The following PXMP4 variants were observed in gnomAD, a reference collection of about 807,000 sequenced individuals.
PXMP4 encodes the protein peroxisomal membrane protein 4, also known as 24 kDa peroxisomal intrinsic membrane protein.
In PXMP4, 16 loss-of-function variants were observed where a neutral mutation model predicts 21.6. The ratio of observed to expected loss-of-function variants is 0.74; its 90% confidence interval spans 0.50 to 1.13. PXMP4 has a LOEUF of 1.13. PXMP4 is among the 50% of genes most tolerant of loss of function. PXMP4 has a pLI of 0.00. For missense variants in PXMP4, 240 were observed against 277.7 expected (o/e 0.86, Z 0.96); for synonymous variants, 127 against 123.8 (o/e 1.03, Z -0.17).
chr20:33,711,531 G>A (rs2018325496), intron 2 of PXMP4, among the ~76,000 whole-genome samples: 1 of 152,276 alleles, frequency 6.6e-6, no homozygotes, highest in East Asian at 1.9e-4. Flanking sequence ...TTTATCCTGA[G>A]AAGTGAACAT....
rs1246078862 is a variant in PXMP4, at chr20:33,704,864, C to T, written c.*2842G>A. ...CTGCATACATTTCTACTAGTAACTT[C>T]TAAAATATAGAAAGAGTGATGGAGT... On this transcript the variant is annotated 3_prime_UTR_variant, in exon 4 of 4. Transcript: ENST00000409299. The T allele has an allele frequency of 6.6e-6, 1 of 151,900 alleles. No individual in the cohort carries two copies. Among genetic ancestry groups the T allele is most frequent in the Non-Finnish European group, 1.5e-5 (1 of 68,024 alleles). The allele number at this position is 151,900 out of a possible 1,614,324, so 9.4% of individuals were successfully genotyped here.
At chr20:33,713,910 A>G (rs1388612387) in intron 2 of PXMP4, among the ~76,000 whole-genome samples, 1 of 152,016 alleles carries the variant, frequency 6.6e-6, no homozygotes, top group East Asian at 1.9e-4. Context: ...GAAGGTGAAG[A>G]TGCTTCAGCG....
chr20:33,704,997 T>G lies in PXMP4; in HGVS notation c.*2709A>C, dbSNP rs1601199823. On this transcript the variant is annotated 3_prime_UTR_variant, in exon 4 of 4. Coordinates refer to ENST00000409299, the MANE Select transcript of PXMP4 (RefSeq NM_007238.5). ...TGATTTGTCCAGGATTGTGTTTTTT[T>G]TTTTTTTTTTTTTTTTGAGACAGAG... The G allele has an allele frequency of 6.9e-6, 1 of 145,464 alleles. No individual in the cohort carries two copies. The highest frequency in any genetic ancestry group is 2.2e-4 in the South Asian group (1 of 4,474). The allele number at this position is 145,464 out of a possible 1,614,324, so 9.0% of individuals were successfully genotyped here.
chr20:33,714,613 A>G lies in PXMP4; in HGVS notation c.176+61T>C, dbSNP rs375696488. 7.9e-6 allele frequency: 12 copies of G among 1,524,566 alleles called. No homozygotes were observed. The African/African-American group carries it at 1.5e-4, about 19-fold the overall frequency. 94.4% of individuals were successfully genotyped at this position (1,524,566 alleles called of 1,614,324 possible). On this transcript the variant is annotated intron_variant, in intron 2 of 3. Transcript: ENST00000409299. Reference sequence around the variant, plus strand: ...ACAGGGTAGACCCAGCTAAGAAGCTATTACGACTGTCCTGGCACTGAGGGC... The same window carrying G: ...ACAGGGTAGACCCAGCTAAGAAGCTGTTACGACTGTCCTGGCACTGAGGGC...
In PXMP4 at chr20:33,703,142, A is replaced by ACCC. The variant is rs2018221965; in HGVS notation, c.*4561_*4563dup. ...AGACAGTCGGTAGCGGAGTTGGCCA[A>ACCC]CCCCCAGCAGCAGTGGCGGGACTTC... On this transcript the variant is annotated 3_prime_UTR_variant, in exon 4 of 4. Coordinates refer to ENST00000409299, the MANE Select transcript of PXMP4 (RefSeq NM_007238.5). 6.6e-6 allele frequency: 1 copy of ACCC among 152,078 alleles called. No individual in the cohort carries two copies. The highest frequency in any genetic ancestry group is 2.4e-5 in the African/African-American group (1 of 41,382). The allele number at this position is 152,078 out of a possible 1,614,324, so 9.4% of individuals were successfully genotyped here.
chr20:33,710,888 T>A, intron 2 of PXMP4, 135 bp from the exon 3 acceptor site: 1 of 849,786 alleles, frequency 1.2e-6, no homozygotes, highest in Non-Finnish European at 1.8e-6. Context: ...CTACCCTTCA[T>A]GTTCTCTCCC....
chr20:33,714,027 C>G (rs997204084), intron 2 of PXMP4, among the ~76,000 whole-genome samples: 1 of 152,060 alleles, frequency 6.6e-6, no homozygotes, highest in East Asian at 1.9e-4. Context: ...GCACTCCTGG[C>G]GGGGGTGCTG....
At chr20:33,717,363 G>A (rs1158611657) in intron 1 of PXMP4, among the ~76,000 whole-genome samples, 2 of 151,850 alleles carry the variant, frequency 1.3e-5, no homozygotes, top group Non-Finnish European at 2.9e-5. Context: ...ATTTTAGGCC[G>A]GGCGCGGTGG....
In PXMP4 at chr20:33,707,966, T is replaced by C; in HGVS notation, c.379A>G (p.Asn127Asp). 6.2e-7 allele frequency: 1 copy of C among 1,611,588 alleles called. No individual in the cohort carries two copies. The highest frequency in any genetic ancestry group is 8.5e-7 in the Non-Finnish European group (1 of 1,178,056). ...GENNNINSQI[N>D]MYLLSRVLFA... ...AGGACGCGTGACAACAGGTACATGT[T>C]GATCTGCAAAGAGGGAATGATGGGA... Residue 127 changes from asparagine to aspartate, a missense_variant, in exon 4 of 4, where the codon AAC (asparagine) becomes GAC (aspartate). Transcript: ENST00000409299.
At chr20:33,714,225 G>T (rs569452192) in intron 2 of PXMP4, among the ~76,000 whole-genome samples, 1 of 152,148 alleles carries the variant, frequency 6.6e-6, no homozygotes, top group African/African-American at 2.4e-5. Context: ...TTCAAGCAGG[G>T]ATAATGGGAT....
At chr20:33,711,095 T>C (rs1041007263) in intron 2 of PXMP4, among the ~76,000 whole-genome samples, 1 of 152,194 alleles carries the variant, frequency 6.6e-6, no homozygotes, top group African/African-American at 2.4e-5. Context: ...GGTGTCTGGA[T>C]CTGGCTTGTT....
At chr20:33,710,054 C>T (rs1195615671) in intron 3 of PXMP4, among the ~76,000 whole-genome samples, 1 of 146,986 alleles carries the variant, frequency 6.8e-6, no homozygotes, top group Non-Finnish European at 1.5e-5. Context: ...GAGCCACGCC[C>T]TTGTCCCCAC....
intron 1 of PXMP4, 146 bp downstream of exon 1, chr20:33,719,949 T>G: frequency 1.4e-6 from 1 of 735,822 alleles, no homozygotes; most frequent in South Asian, 1.8e-5. Flanking sequence ...CCAGCTCCCA[T>G]TGCACAGATG....
chr20:33,719,110 A>T (rs2018418847), intron 1 of PXMP4, among the ~76,000 whole-genome samples: 1 of 152,166 alleles, frequency 6.6e-6, no homozygotes, highest in Admixed American at 6.5e-5. Flanking sequence ...TGGCCAGGCT[A>T]GTCTCGAACT....
intron 1 of PXMP4, among the ~76,000 whole-genome samples, chr20:33,719,808 C>T (rs570829808): frequency 7.9e-5 from 12 of 152,268 alleles, no homozygotes; most frequent in Non-Finnish European, 1.8e-4. Context: ...TGAACTGAAC[C>T]CAAATGAGGG....
At chr20:33,719,689 T>G (rs1434620380) in intron 1 of PXMP4, among the ~76,000 whole-genome samples, 1 of 152,134 alleles carries the variant, frequency 6.6e-6, no homozygotes, top group South Asian at 2.1e-4. Flanking sequence ...GCAAGCTTCA[T>G]GGGGACAGAA....
intron 3 of PXMP4, among the ~76,000 whole-genome samples, chr20:33,710,283 A>G (rs983374936): frequency 2.5e-5 from 2 of 80,880 alleles, no homozygotes; most frequent in African/African-American, 1.0e-4. Context: ...CCCCACTCCT[A>G]CCTCCATACA....
intron 2 of PXMP4, 113 bp downstream of exon 2, chr20:33,714,561 T>G: frequency 1.9e-6 from 2 of 1,050,222 alleles, no homozygotes; most frequent in South Asian, 1.4e-5. Context: ...AAAAAAAGAG[T>G]TGAACTTTAG....
At position 33,707,351 on chromosome 20, in the gene PXMP4, T is replaced by C; in HGVS notation, c.*355A>G. The stretch of plus-strand genomic sequence containing the variant: ...CACTGCCCACCAGCAAGGAGCCCTC[T>C]GTGACATAAGAACAGTTGAAGAATG... On this transcript the variant is annotated 3_prime_UTR_variant, in exon 4 of 4. Coordinates refer to ENST00000409299, the MANE Select transcript of PXMP4 (RefSeq NM_007238.5). The C allele has an allele frequency of 4.8e-6, 1 of 209,292 alleles. No homozygotes were observed. Among genetic ancestry groups the C allele is most frequent in the Non-Finnish European group, 9.6e-6 (1 of 103,686 alleles). 13.0% of individuals were successfully genotyped at this position (209,292 alleles called of 1,614,324 possible).
Sources: gnomAD v4.1 joint callset for allele counts (sites outside exome capture counted in the v4.1 genomes callset) on GRCh38, gnomAD v4.1.1 for gene constraint, MANE v1.5 for transcripts, NCBI Gene and HGNC (gene_info 2026-07-23, HGNC 2026-07-21) for gene names.